SCRG1: variants seen among roughly 807,000 people sequenced by gnomAD.
SCRG1 encodes stimulator of chondrogenesis 1.
In SCRG1, 3 loss-of-function variants were observed where a neutral mutation model predicts 7.7. The observed-to-expected ratio is 0.39, with a 90% CI of 0.18 to 1.01. The LOEUF is 1.01. Ranked by LOEUF, SCRG1 falls within the 50% of genes least tolerant of loss-of-function variation. SCRG1 has a pLI of 0.36. For synonymous variants in SCRG1, 46 were observed against 41.2 expected, an observed-to-expected ratio of 1.12 and a Z score of -0.44; for missense variants, 110 against 117.2, an observed-to-expected ratio of 0.94 and a Z score of 0.28.
chr4:173,504,802 C>T, the SCRG1 span, among the ~76,000 whole-genome samples: 1 of 152,182 alleles, frequency 6.6e-6, no homozygotes, highest in African/African-American at 2.4e-5. The surrounding 1 kb of genome is among the most constrained non-coding windows in gnomAD (Gnocchi z 4.7). Flanking sequence ...CTAATTCCAG[C>T]CCCATGACCC....
chr4:173,448,615 ATTTATT>A, the SCRG1 span, among the ~76,000 whole-genome samples: 1 of 152,130 alleles, frequency 6.6e-6, no homozygotes, highest in East Asian at 1.9e-4. Flanking sequence ...CAAAATGAGG[ATTTATT>A]TTTATTTTTA....
chr4:173,436,451 C>T, the SCRG1 span, among the ~76,000 whole-genome samples: 1 of 152,156 alleles, frequency 6.6e-6, no homozygotes, highest in African/African-American at 2.4e-5. Context: ...GTTGTTCTGT[C>T]CCTCTCTTAC....
At chr4:173,483,728 A>G in the SCRG1 span, among the ~76,000 whole-genome samples, 2 of 46,760 alleles carry the variant, frequency 4.3e-5, 1 homozygote, top group African/African-American at 1.7e-4. Flanking sequence ...ATTGTGATAT[A>G]TCATATATAT....
chr4:173,488,130 TAAATTTAA>T, the SCRG1 span, among the ~76,000 whole-genome samples: 15 of 151,076 alleles, frequency 9.9e-5, no homozygotes, highest in South Asian at 2.1e-4. Context: ...AATAAATAAA[TAAATTTAA>T]AAAATGGTCT....
the SCRG1 span, among the ~76,000 whole-genome samples, chr4:173,487,891 C>T: frequency 2.0e-5 from 3 of 151,854 alleles, no homozygotes; most frequent in African/African-American, 7.3e-5. Context: ...TCACTGAGTT[C>T]AGGAGTTCGA....
the SCRG1 span, among the ~76,000 whole-genome samples, chr4:173,464,222 T>G: frequency 6.6e-6 from 1 of 152,170 alleles, no homozygotes; most frequent in African/African-American, 2.4e-5. Flanking sequence ...AGCTCAATAT[T>G]TTATGAAAAA....
intron 1 of SCRG1, among the ~76,000 whole-genome samples, chr4:173,392,608 C>G (rs560997754): frequency 6.6e-6 from 1 of 152,266 alleles, no homozygotes; most frequent in South Asian, 2.1e-4. Flanking sequence ...TTAGACTTCT[C>G]TGGTTTCTAC....
the SCRG1 span, among the ~76,000 whole-genome samples, chr4:173,428,835 T>G: frequency 6.6e-6 from 1 of 152,212 alleles, no homozygotes; most frequent in Non-Finnish European, 1.5e-5. Flanking sequence ...GAAATAGCAT[T>G]GCTAAAATTC....
At chr4:173,484,999 T>TTA in the SCRG1 span, among the ~76,000 whole-genome samples, 1 of 29,422 alleles carries the variant, frequency 3.4e-5, no homozygotes, top group Non-Finnish European at 5.7e-5. Context: ...ATATAATATA[T>TTA]TATAAATATA....
At chr4:173,407,700 A>G (rs942144098), upstream of SCRG1, among the ~76,000 whole-genome samples, 1 of 152,260 alleles carries the variant, frequency 6.6e-6, no homozygotes, top group Non-Finnish European at 1.5e-5. Flanking sequence ...TTTTAAAAAT[A>G]ATAAACACAT....
At chr4:173,517,794 G>A in the SCRG1 span, among the ~76,000 whole-genome samples, 1 of 152,266 alleles carries the variant, frequency 6.6e-6, no homozygotes, top group African/African-American at 2.4e-5. Context: ...CCACAAAAGA[G>A]CCTGGTCTGG....
chr4:173,399,899 A>C (rs1182493110), upstream of SCRG1, among the ~76,000 whole-genome samples: 1 of 152,190 alleles, frequency 6.6e-6, no homozygotes, highest in African/African-American at 2.4e-5. Context: ...AGGGCATTCC[A>C]GGTTGAATTA....
chr4:173,498,144 G>T, the SCRG1 span, among the ~76,000 whole-genome samples: 12 of 152,162 alleles, frequency 7.9e-5, no homozygotes, highest in Non-Finnish European at 1.6e-4. Flanking sequence ...TTTGCCTAGA[G>T]ATTTTTGTTT....
chr4:173,432,637 C>G, the SCRG1 span, among the ~76,000 whole-genome samples: 2 of 152,134 alleles, frequency 1.3e-5, no homozygotes, highest in Non-Finnish European at 1.5e-5. Flanking sequence ...CTCTAGGTTT[C>G]GGTTCTGTCA....
At chr4:173,465,459 C>T in the SCRG1 span, among the ~76,000 whole-genome samples, 3 of 151,974 alleles carry the variant, frequency 2.0e-5, no homozygotes, top group Non-Finnish European at 4.4e-5. Context: ...TTTAAGATGA[C>T]CTTCAAGGTT....
the SCRG1 span, among the ~76,000 whole-genome samples, chr4:173,430,618 T>C: frequency 6.6e-6 from 1 of 152,004 alleles, no homozygotes; most frequent in East Asian, 1.9e-4. Flanking sequence ...CTGAAACATG[T>C]AGAGACAGCA....
chr4:173,443,869 T>C, the SCRG1 span, among the ~76,000 whole-genome samples: 1 of 152,060 alleles, frequency 6.6e-6, no homozygotes, highest in African/African-American at 2.4e-5. Context: ...CTTTGCCACA[T>C]AGTTTATATG....
At chr4:173,515,080 G>A in the SCRG1 span, among the ~76,000 whole-genome samples, 1 of 152,290 alleles carries the variant, frequency 6.6e-6, no homozygotes, top group Non-Finnish European at 1.5e-5. The surrounding 1 kb of genome is among the most constrained non-coding windows in gnomAD (Gnocchi z 4.6). Flanking sequence ...GAAAGAATGG[G>A]TCAATGTTTG....
chr4:173,450,715 G>A, the SCRG1 span, among the ~76,000 whole-genome samples: 4 of 152,190 alleles, frequency 2.6e-5, no homozygotes, highest in Non-Finnish European at 4.4e-5. Flanking sequence ...AGCCTTATTA[G>A]CGATTTAACC....
Sources: gnomAD v4.1 joint callset for allele counts (sites outside exome capture counted in the v4.1 genomes callset) on GRCh38, gnomAD v4.1.1 for gene constraint, Gnocchi (gnomAD v3.1) non-coding constraint, MANE v1.5 for transcripts, NCBI Gene and HGNC (gene_info 2026-07-23, HGNC 2026-07-21) for gene names.